The following IL18BP variants were observed in gnomAD, a reference collection of about 807,000 sequenced individuals.
IL18BP encodes the protein interleukin-18-binding protein.
In IL18BP, 23 loss-of-function variants were observed where a neutral mutation model predicts 19.9. That is an observed-to-expected ratio of 1.15 (90% CI 0.83 to 1.64). The LOEUF (loss-of-function observed/expected upper bound fraction) is 1.64, where lower values mean the gene tolerates loss of function less well. IL18BP is among the 40% of genes most tolerant of loss of function. The probability of loss-of-function intolerance (pLI) is 0.00; values close to 1 mark genes in which losing one functional copy is unlikely to be tolerated. For synonymous variants in IL18BP, 107 were observed against 101.0 expected (o/e 1.06, Z -0.35); for missense variants, 239 against 240.7 (o/e 0.99, Z 0.05).
At chr11:71,999,153 A>T (rs1397245538) in intron 1 of IL18BP, 134 bp downstream of exon 1, 1 of 517,286 alleles carries the variant, frequency 1.9e-6, no homozygotes, top group Admixed American at 1.9e-5. Context: ...GGGAGTGGGT[A>T]GCCTGGGAAA....
chr11:72,005,194 C>A, downstream of IL18BP: 1 of 1,533,514 alleles, frequency 6.5e-7, no homozygotes, highest in Non-Finnish European at 8.7e-7. Context: ...CAAGGGAGGG[C>A]AGGGATGGGA....
Position 72,001,474 on chromosome 11 carries a change from G to C in IL18BP, c.429G>C (p.Leu143=). 1 of 1,614,134 alleles carries C rather than the reference G, an allele frequency of 6.2e-7. No individual in the cohort carries two copies. Among genetic ancestry groups the C allele is most frequent in the Non-Finnish European group, 8.5e-7 (1 of 1,180,002 alleles). ...ALVLEQLTPA[L]HSTNFSCVLV... ...TGCTGGAGCAGCTGACCCCTGCCCT[G>C]CACAGCACCAACTTCTCCTGTGTGC... The change falls in exon 5 of 6, where the codon CTG becomes CTC. Residue 143 remains leucine (L), a synonymous_variant. Coordinates refer to ENST00000393703, the MANE Select transcript of IL18BP (RefSeq NM_001039660.2).
chr11:72,000,678 C>T (rs1350610358), intron 3 of IL18BP, 121 bp downstream of exon 3: 11 of 780,546 alleles, frequency 1.4e-5, no homozygotes, highest in Non-Finnish European at 1.9e-5. Flanking sequence ...GGGCTGAGCA[C>T]GCACCATTCT....
rs1955318081 is a variant in IL18BP, at chr11:72,002,480, T to A, written c.*619T>A. On this transcript the variant is annotated 3_prime_UTR_variant, in exon 6 of 6. Coordinates refer to ENST00000393703, the MANE Select transcript of IL18BP (RefSeq NM_001039660.2). Reference sequence around the variant, plus strand: ...CAGCAGCTGCTTCGGATCCACACTGTATCTGTGTCATCCCCACATGGGTCC... The same window carrying A: ...CAGCAGCTGCTTCGGATCCACACTGAATCTGTGTCATCCCCACATGGGTCC... 6.5e-6 allele frequency: 1 copy of A among 154,976 alleles called. No individual in the cohort carries two copies. The highest frequency in any genetic ancestry group is 1.4e-5 in the Non-Finnish European group (1 of 69,980). 9.6% of individuals were successfully genotyped at this position (154,976 alleles called of 1,614,324 possible).
downstream of IL18BP, chr11:72,004,900 C>G (rs758893820): frequency 2.3e-6 from 3 of 1,319,698 alleles, no homozygotes; most frequent in Admixed American, 2.7e-5. Context: ...ACTCTACACT[C>G]GCCCGACACT....
downstream of IL18BP, chr11:72,005,132 CAGTCAGTG>C: frequency 7.5e-7 from 1 of 1,328,426 alleles, no homozygotes; most frequent in East Asian, 2.5e-5. Context: ...CCTCCTCGGC[CAGTCAGTG>C]ATCCAGGGCC....
In IL18BP at chr11:72,001,969, A is replaced by T; in HGVS notation, c.*108A>T. The T allele has an allele frequency of 6.7e-7, 1 of 1,482,522 alleles. No individual in the cohort carries two copies. The highest frequency in any genetic ancestry group is 9.2e-7 in the Non-Finnish European group (1 of 1,089,286). The allele number at this position is 1,482,522 out of a possible 1,614,324, so 91.8% of individuals were successfully genotyped here. Reference sequence around the variant, plus strand: ...TGCCTGTAGGCTGCGTGGATGCGCAACACACCCCCTCCTTCTCTGCTTTGG... The same window carrying T: ...TGCCTGTAGGCTGCGTGGATGCGCATCACACCCCCTCCTTCTCTGCTTTGG... On this transcript the variant is annotated 3_prime_UTR_variant, in exon 6 of 6. Coordinates refer to ENST00000393703, the MANE Select transcript of IL18BP (RefSeq NM_001039660.2).
intron 1 of IL18BP, chr11:71,999,634 A>C (rs1955104169): frequency 3.4e-6 from 1 of 295,622 alleles, no homozygotes; most frequent in African/African-American, 2.2e-5. Context: ...TCTGGTGCTG[A>C]AGAGAGCACT....
At chr11:72,005,661 G>C (rs1955635727), downstream of IL18BP, 1 of 505,048 alleles carries the variant, frequency 2.0e-6, no homozygotes, top group South Asian at 2.8e-5. Context: ...AACAAATTAA[G>C]GACCGGGAAT....
downstream of IL18BP, chr11:72,007,541 G>T: frequency 7.3e-7 from 1 of 1,375,004 alleles, no homozygotes; most frequent in Non-Finnish European, 9.9e-7. Context: ...AGCAGATGAG[G>T]TCAAGCAGCC....
downstream of IL18BP, chr11:72,005,958 C>T: frequency 8.0e-7 from 1 of 1,250,176 alleles, no homozygotes; most frequent in African/African-American, 1.5e-5. Context: ...TTTTAAAAAG[C>T]TTTCCTCTTT....
downstream of IL18BP, chr11:72,007,406 G>A: frequency 6.2e-7 from 1 of 1,613,790 alleles, no homozygotes; most frequent in Admixed American, 1.7e-5. Context: ...AGGGACGCTG[G>A]TGCCGTCTGG....
At chr11:72,001,167 C>A in intron 3 of IL18BP, 34 bp from the exon 4 acceptor site, 1 of 1,613,404 alleles carries the variant, frequency 6.2e-7, no homozygotes, top group South Asian at 1.1e-5. Context: ...AGGGCCTGCT[C>A]TTCTGAAGAG....
At chr11:72,004,563 G>A, downstream of IL18BP, 3 of 1,448,448 alleles carry the variant, frequency 2.1e-6, no homozygotes, top group South Asian at 1.2e-5. Flanking sequence ...GAGAGAGAAG[G>A]CTCCCTTTAG....
rs55659741 is a variant in IL18BP at position 71,999,431 on chromosome 11, G to T, written c.-59+412G>T. 682 of 245,236 alleles carry T rather than the reference G, an allele frequency of 2.8e-3. 11 individuals are homozygous for T. Among genetic ancestry groups the T allele is most frequent in the African/African-American group, 0.015 (652 of 44,118 alleles). 15.2% of individuals were successfully genotyped at this position (245,236 alleles called of 1,614,324 possible). On this transcript the variant is annotated intron_variant, in intron 1 of 5. Coordinates refer to ENST00000393703, the MANE Select transcript of IL18BP (RefSeq NM_001039660.2). ...CTGGGGGTGGCATGGGGGTAGATTA[G>T]AGATCCCAGTCTGGTATCCTCTGGA...
chr11:72,002,767 G>A lies in IL18BP; in HGVS notation c.*906G>A, dbSNP rs1405554870. ...GATGTGGCCTCAGGAAAAGGGATGA[G>A]AGAAAGGAGGTGGTATGGAAGACTC... On this transcript the variant is annotated 3_prime_UTR_variant, in exon 6 of 6. Transcript: ENST00000393703. 2 of 183,370 alleles carry A rather than the reference G, an allele frequency of 1.1e-5. No homozygotes were observed. The highest frequency in any genetic ancestry group is 4.7e-5 in the African/African-American group (2 of 42,518). 11.4% of individuals were successfully genotyped at this position (183,370 alleles called of 1,614,324 possible). A position where few individuals can be genotyped will look rare whatever the true frequency, so the allele number is the denominator to read the frequency against.
Position 72,002,142 on chromosome 11 carries a change from A to C in IL18BP, c.*281A>C. The stretch of plus-strand genomic sequence containing the variant: ...CTCCTCACACTGCTCTACTGCTCAG[A>C]AACCACCAAGACTGTTGATGCCTTA... On this transcript the variant is annotated 3_prime_UTR_variant, in exon 6 of 6. Transcript: ENST00000393703. The C allele has an allele frequency of 1.9e-6, 1 of 527,436 alleles. No individual in the cohort carries two copies. The highest frequency in any genetic ancestry group is 3.4e-6 in the Non-Finnish European group (1 of 294,074). The allele number at this position is 527,436 out of a possible 1,614,324, so 32.7% of individuals were successfully genotyped here.
At chr11:72,000,171 C>T (rs1169328448) in intron 2 of IL18BP, among the ~76,000 whole-genome samples, 159 bp downstream of exon 2, 1 of 152,192 alleles carries the variant, frequency 6.6e-6, no homozygotes, top group Non-Finnish European at 1.5e-5. Flanking sequence ...GCTCTGGCTC[C>T]AGTCTAAAGC....
At chr11:72,001,746 T>G (rs2134262563) in intron 5 of IL18BP, 38 bp from the exon 6 acceptor site, 2 of 1,613,896 alleles carry the variant, frequency 1.2e-6, no homozygotes, top group Non-Finnish European at 1.7e-6. Context: ...TGTCCCTCCT[T>G]TCCTTGGCCT....
Sources: gnomAD v4.1 joint callset for allele counts (sites outside exome capture counted in the v4.1 genomes callset) on GRCh38, gnomAD v4.1.1 for gene constraint, MANE v1.5 for transcripts, NCBI Gene and HGNC (gene_info 2026-07-23, HGNC 2026-07-21) for gene names.